The following NUP35 variants were observed in gnomAD, a reference collection of about 807,000 sequenced individuals.
NUP35 encodes nucleoporin NUP35.
NUP35 carries 25 observed loss-of-function variants against 41.5 expected under a neutral mutation model. The observed-to-expected ratio is 0.60, with a 90% CI of 0.44 to 0.84. NUP35 has a LOEUF of 0.84. Among genes scored for constraint, NUP35 ranks in the 40% least tolerant of loss-of-function variants. The pLI is 0.00. For synonymous variants in NUP35, 149 were observed against 130.7 expected (o/e 1.14, Z -0.96); for missense variants, 396 against 396.6 (o/e 1.00, Z 0.01).
chr2:183,161,245 T>A lies in NUP35; in HGVS notation c.*114T>A. 1.6e-6 allele frequency: 1 copy of A among 636,276 alleles called. No homozygotes were observed. The highest frequency in any genetic ancestry group is 2.7e-6 in the Non-Finnish European group (1 of 373,138). 39.4% of individuals were successfully genotyped at this position (636,276 alleles called of 1,614,324 possible). A position where few individuals can be genotyped will look rare whatever the true frequency, so the allele number is the denominator to read the frequency against. On this transcript the variant is annotated 3_prime_UTR_variant, in exon 9 of 9. Coordinates refer to ENST00000295119, the MANE Select transcript of NUP35 (RefSeq NM_138285.5). ...GTATTGGATAGCTATCTCATACTTC[T>A]TTTAGAAAGAAGCCTTTTTCATTAA...
intron 2 of NUP35, among the ~76,000 whole-genome samples, chr2:183,129,039 C>T (rs72892688): frequency 0.079 from 11,951 of 152,058 alleles, 548 homozygotes; most frequent in South Asian, 0.17. Flanking sequence ...GAGTGCCTCA[C>T]AGAGTTGATG....
Position 183,161,048 on chromosome 2 carries a change from T to G in NUP35, c.904-6T>G. ...AACCGTTTTTTTTGTGTGTGTTTTT[T>G]AATAGGTTATTTCTGACAGACAAAC... On this transcript the variant is annotated splice_polypyrimidine_tract_variant and splice_region_variant and intron_variant, in intron 8 of 8. Coordinates refer to ENST00000295119, the MANE Select transcript of NUP35 (RefSeq NM_138285.5). 1 of 1,609,844 alleles carries G rather than the reference T, an allele frequency of 6.2e-7. No individual in the cohort carries two copies. Among genetic ancestry groups the G allele is most frequent in the Non-Finnish European group, 8.5e-7 (1 of 1,176,624 alleles).
intron 5 of NUP35, among the ~76,000 whole-genome samples, chr2:183,155,447 A>C (rs1685623124): frequency 6.6e-6 from 1 of 152,112 alleles, no homozygotes; most frequent in South Asian, 2.1e-4. Context: ...ATTTGGGTAA[A>C]AAGCGGGTCA....
intron 3 of NUP35, among the ~76,000 whole-genome samples, chr2:183,133,239 T>C (rs1684755496): frequency 6.6e-6 from 1 of 152,046 alleles, no homozygotes; most frequent in Non-Finnish European, 1.5e-5. Context: ...ATTTTAAAAA[T>C]TACCATTATC....
intron 5 of NUP35, among the ~76,000 whole-genome samples, chr2:183,155,187 T>A (rs1559155883): frequency 6.6e-6 from 1 of 152,194 alleles, no homozygotes; most frequent in Non-Finnish European, 1.5e-5. Context: ...CTATTATATA[T>A]TTTTTGGGAT....
chr2:183,138,580 G>T (rs1290489763), intron 4 of NUP35, among the ~76,000 whole-genome samples: 5 of 151,982 alleles, frequency 3.3e-5, no homozygotes. Context: ...CTTAGTCATG[G>T]TATATTACTG....
intron 2 of NUP35, among the ~76,000 whole-genome samples, chr2:183,129,331 G>A (rs917398332): frequency 2.0e-5 from 3 of 152,150 alleles, no homozygotes; most frequent in Admixed American, 6.5e-5. Context: ...AAATGACTTC[G>A]AAGTTTTAAC....
intron 4 of NUP35, among the ~76,000 whole-genome samples, chr2:183,138,428 A>G (rs983807210): frequency 2.6e-5 from 4 of 151,820 alleles, no homozygotes; most frequent in East Asian, 1.9e-4. Context: ...TTTGCATCCA[A>G]TAAAGAGGTT....
intron 4 of NUP35, among the ~76,000 whole-genome samples, chr2:183,148,401 T>G (rs1355232768): frequency 1.3e-5 from 2 of 152,232 alleles, no homozygotes; most frequent in Non-Finnish European, 2.9e-5. Context: ...CTATAGAGGT[T>G]GTACTAATTT....
chr2:183,147,551 T>A (rs906481888), intron 4 of NUP35, among the ~76,000 whole-genome samples: 1 of 152,218 alleles, frequency 6.6e-6, no homozygotes, highest in Non-Finnish European at 1.5e-5. Context: ...TGTGTACCTA[T>A]TTTTGTACCA....
At position 183,144,426 on chromosome 2, in the gene NUP35, A is replaced by G. The variant is rs149818655; in HGVS notation, c.398-7082A>G. Reference sequence around the variant, plus strand: ...ATATTGTGCTACTTTGTTTCATGATAAGAAGTTAACACCGCCAGGAACCTC... The same window carrying G: ...ATATTGTGCTACTTTGTTTCATGATGAGAAGTTAACACCGCCAGGAACCTC... On this transcript the variant is annotated intron_variant, in intron 4 of 8. Coordinates refer to ENST00000295119, the MANE Select transcript of NUP35 (RefSeq NM_138285.5). Among the ~76,000 whole-genome samples the G allele has an allele frequency of 2.4e-3, 363 of 152,328 alleles. 3 individuals are homozygous for G. The highest frequency in any genetic ancestry group is 8.3e-3 in the African/African-American group (347 of 41,580).
intron 4 of NUP35, among the ~76,000 whole-genome samples, chr2:183,148,756 T>G (rs1219771186): frequency 6.6e-6 from 1 of 152,170 alleles, no homozygotes; most frequent in Non-Finnish European, 1.5e-5. Flanking sequence ...CCTCCCAGGC[T>G]CCAGTGATCC....
At chr2:183,128,245 C>G in intron 1 of NUP35, 42 bp from the exon 2 acceptor site, 1 of 1,439,812 alleles carries the variant, frequency 6.9e-7, no homozygotes, top group Non-Finnish European at 9.2e-7. Flanking sequence ...GTAACAGAAA[C>G]TGTAACAGAA....
intron 4 of NUP35, among the ~76,000 whole-genome samples, chr2:183,149,384 GTAAC>G (rs1685387511): frequency 6.6e-6 from 1 of 152,120 alleles, no homozygotes; most frequent in Non-Finnish European, 1.5e-5. Flanking sequence ...GAAGTGAACA[GTAAC>G]TATTTTCTAA....
Position 183,133,558 on chromosome 2 carries a change from T to A in NUP35, c.340-8T>A. ...TTTTTACCATAACACTTTCTTCTGT[T>A]TGTGTAGCCAAACATTTCAGTAATG... On this transcript the variant is annotated splice_region_variant and splice_polypyrimidine_tract_variant and intron_variant, in intron 3 of 8. Coordinates refer to ENST00000295119, the MANE Select transcript of NUP35 (RefSeq NM_138285.5). 2 of 1,603,374 alleles carry A rather than the reference T, an allele frequency of 1.2e-6. No homozygotes were observed. The highest frequency in any genetic ancestry group is 2.7e-5 in the African/African-American group (2 of 74,214).
At chr2:183,143,855 T>C (rs1685186171) in intron 4 of NUP35, among the ~76,000 whole-genome samples, 1 of 152,218 alleles carries the variant, frequency 6.6e-6, no homozygotes, top group African/African-American at 2.4e-5. Context: ...TTCACCATGC[T>C]TGATTGGACA....
intron 4 of NUP35, among the ~76,000 whole-genome samples, chr2:183,142,582 G>A (rs1053727810): frequency 1.3e-5 from 2 of 151,868 alleles, no homozygotes; most frequent in East Asian, 3.9e-4. Flanking sequence ...CCAGGTTCAA[G>A]TGATTCTTCT....
chr2:183,161,278 A>G lies in NUP35; in HGVS notation c.*147A>G, dbSNP rs2105629622. Reference sequence around the variant, plus strand: ...AGAAGCCTTTTTCATTAAGGATACAACCTATTTGTAGCTCGCACTTTAAAA... The same window carrying G: ...AGAAGCCTTTTTCATTAAGGATACAGCCTATTTGTAGCTCGCACTTTAAAA... On this transcript the variant is annotated 3_prime_UTR_variant, in exon 9 of 9. Coordinates refer to ENST00000295119, the MANE Select transcript of NUP35 (RefSeq NM_138285.5). The G allele has an allele frequency of 2.0e-6, 1 of 499,486 alleles. No individual in the cohort carries two copies. The highest frequency in any genetic ancestry group is 3.4e-5 in the Admixed American group (1 of 29,008). 30.9% of individuals were successfully genotyped at this position (499,486 alleles called of 1,614,324 possible).
chr2:183,122,424 T>G (rs1197762484), upstream of NUP35, among the ~76,000 whole-genome samples: 1 of 152,170 alleles, frequency 6.6e-6, no homozygotes, highest in African/African-American at 2.4e-5. Context: ...AGTATCACTC[T>G]TTTCTCTTTC....
Sources: allele counts gnomAD v4.1 joint callset (sites outside exome capture counted in the v4.1 genomes callset), GRCh38; gene constraint gnomAD v4.1.1; transcripts MANE v1.5; gene names NCBI Gene and HGNC (gene_info 2026-07-23, HGNC 2026-07-21).